The following KHDRBS2 variants were observed in gnomAD, a reference collection of about 807,000 sequenced individuals.
KHDRBS2 encodes the protein KH RNA binding domain containing, signal transduction associated 2, also known as KH domain-containing, RNA-binding, signal transduction-associated protein 2.
A neutral mutation model predicts 44.3 loss-of-function variants in KHDRBS2; 26 were observed. The observed-to-expected ratio is 0.59, with a 90% CI of 0.43 to 0.81. KHDRBS2 has a LOEUF of 0.81. Among genes scored for constraint, KHDRBS2 ranks in the 40% least tolerant of loss-of-function variants. The probability of loss-of-function intolerance (pLI) is 0.00; values close to 1 mark genes in which losing one functional copy is unlikely to be tolerated. For synonymous variants in KHDRBS2, 194 were observed against 151.1 expected (o/e 1.28, Z -2.08); for missense variants, 476 against 433.1 (o/e 1.10, Z -0.88).
chr6:61,620,668 G>C, the KHDRBS2 span, among the ~76,000 whole-genome samples: 1 of 152,188 alleles, frequency 6.6e-6, no homozygotes, highest in African/African-American at 2.4e-5. Context: ...AGAGCAGTTG[G>C]GAAGAGCCTC....
chr6:62,121,919 C>T (rs778063648), intron 2 of KHDRBS2, among the ~76,000 whole-genome samples: 5 of 152,124 alleles, frequency 3.3e-5, no homozygotes, highest in Admixed American at 6.5e-5. Flanking sequence ...GATATGCCTT[C>T]TAAGGCGAAG....
At position 62,067,204 on chromosome 6, in the gene KHDRBS2, T is replaced by C. The variant is rs1245951019; in HGVS notation, c.220-19210A>G. The stretch of plus-strand genomic sequence containing the variant: ...TTCTGAAATCCTTAACTAAAAATGA[T>C]ATGGATCTGTTAGAAAACTAAACAG... On this transcript the variant is annotated intron_variant, in intron 2 of 8. Transcript: ENST00000281156. 2.6e-5 allele frequency among the ~76,000 whole-genome samples: 4 copies of C among 151,520 alleles called. No homozygotes were observed. In the South Asian group the frequency reaches 8.3e-4, roughly 31 times the overall value.
At chr6:61,939,780 T>C (rs1203268889) in intron 4 of KHDRBS2, among the ~76,000 whole-genome samples, 6 of 152,318 alleles carry the variant, frequency 3.9e-5, no homozygotes, top group East Asian at 1.9e-4. Flanking sequence ...CCAAAGTACA[T>C]ACTGGTTCAT....
chr6:61,703,490 A>G (rs1432929750), intron 7 of KHDRBS2, among the ~76,000 whole-genome samples: 2 of 151,824 alleles, frequency 1.3e-5, no homozygotes, highest in Non-Finnish European at 2.9e-5. Flanking sequence ...TCTCATCAGC[A>G]TTTACACTGA....
chr6:61,605,911 A>T, the KHDRBS2 span, among the ~76,000 whole-genome samples: 3 of 152,200 alleles, frequency 2.0e-5, no homozygotes, highest in Non-Finnish European at 4.4e-5. Flanking sequence ...CTGAAGAATC[A>T]CAAAAGAAGT....
intron 4 of KHDRBS2, among the ~76,000 whole-genome samples, chr6:61,977,853 C>T (rs754550486): frequency 2.6e-5 from 4 of 152,106 alleles, no homozygotes; most frequent in Admixed American, 6.6e-5. Context: ...GCATGACAAA[C>T]ATTGCTATGG....
At chr6:61,642,493 A>AT in the KHDRBS2 span, among the ~76,000 whole-genome samples, 1 of 51,748 alleles carries the variant, frequency 1.9e-5, no homozygotes, top group East Asian at 4.1e-4. Context: ...CTGTTTCTAT[A>AT]TTAAAAAAAA....
At chr6:61,745,326 C>A (rs1238891352) in intron 6 of KHDRBS2, among the ~76,000 whole-genome samples, 1 of 152,232 alleles carries the variant, frequency 6.6e-6, no homozygotes, top group African/African-American at 2.4e-5. Flanking sequence ...CTTCGACTCC[C>A]ATTTTTTAAA....
At chr6:62,215,286 G>A (rs62414779) in intron 1 of KHDRBS2, among the ~76,000 whole-genome samples, 7,490 of 151,934 alleles carry the variant, frequency 0.049, 365 homozygotes, top group Non-Finnish European at 0.075. Flanking sequence ...ATCCTCACTT[G>A]CATGAAGAGT....
chr6:61,776,556 A>T (rs1010818805), intron 6 of KHDRBS2, among the ~76,000 whole-genome samples: 2 of 152,234 alleles, frequency 1.3e-5, no homozygotes, highest in African/African-American at 4.8e-5. Context: ...ATCACTGGTC[A>T]TCAGAGAAAT....
At chr6:61,971,643 T>C (rs1449485560) in intron 4 of KHDRBS2, among the ~76,000 whole-genome samples, 1 of 152,136 alleles carries the variant, frequency 6.6e-6, no homozygotes, top group African/African-American at 2.4e-5. Flanking sequence ...TCTCTCTTCC[T>C]CTCCCCCTTC....
chr6:61,664,010 C>T, the KHDRBS2 span, among the ~76,000 whole-genome samples: 164 of 151,804 alleles, frequency 1.1e-3, no homozygotes, highest in African/African-American at 3.8e-3. Flanking sequence ...AATTGAAAAT[C>T]AAAACAGGGT....
chr6:62,037,314 A>C (rs1785489163), intron 3 of KHDRBS2, among the ~76,000 whole-genome samples: 1 of 151,914 alleles, frequency 6.6e-6, no homozygotes. Context: ...CTGTGGTCTT[A>C]AAGGACTCGA....
At chr6:61,675,847 G>A (rs1765900838), downstream of KHDRBS2, among the ~76,000 whole-genome samples, 1 of 151,690 alleles carries the variant, frequency 6.6e-6, no homozygotes, top group African/African-American at 2.4e-5. Context: ...GTTGTTATGG[G>A]ATCATCTAAC....
intron 2 of KHDRBS2, among the ~76,000 whole-genome samples, chr6:62,138,971 T>C (rs1812162800): frequency 6.6e-6 from 1 of 152,230 alleles, no homozygotes; most frequent in South Asian, 2.1e-4. Flanking sequence ...AAGTCATAAG[T>C]AATTGTTTGC....
intron 6 of KHDRBS2, among the ~76,000 whole-genome samples, chr6:61,736,077 T>C (rs1460789957): frequency 5.9e-5 from 9 of 151,614 alleles, no homozygotes; most frequent in Non-Finnish European, 8.8e-5. Context: ...TTGTGGAAAA[T>C]GTCTCTCCAT....
chr6:62,176,297 A>G (rs1821080596), intron 2 of KHDRBS2, among the ~76,000 whole-genome samples: 1 of 151,402 alleles, frequency 6.6e-6, no homozygotes, highest in Non-Finnish European at 1.5e-5. Flanking sequence ...ACTTCATCTC[A>G]AAGATAAATT....
At chr6:61,696,325 G>A (rs1160577469) in intron 8 of KHDRBS2, among the ~76,000 whole-genome samples, 7 of 151,698 alleles carry the variant, frequency 4.6e-5, no homozygotes, top group Non-Finnish European at 7.4e-5. Context: ...GCACGATCTC[G>A]GCTCACTGCA....
At chr6:61,863,712 A>G (rs1205490882) in intron 6 of KHDRBS2, among the ~76,000 whole-genome samples, 1 of 152,122 alleles carries the variant, frequency 6.6e-6, no homozygotes, top group Non-Finnish European at 1.5e-5. Flanking sequence ...TTATGTGGTC[A>G]ATTTTAGAGT....
Sources: gnomAD v4.1 joint callset for allele counts (sites outside exome capture counted in the v4.1 genomes callset) on GRCh38, gnomAD v4.1.1 for gene constraint, MANE v1.5 for transcripts, NCBI Gene and HGNC (gene_info 2026-07-23, HGNC 2026-07-21) for gene names.